The following EBF2 variants were observed in gnomAD, a reference collection of about 807,000 sequenced individuals.
EBF2 encodes transcription factor COE2.
In EBF2, 21 loss-of-function variants were observed where a neutral mutation model predicts 72.8. The observed-to-expected ratio is 0.29, with a 90% confidence interval of 0.20 to 0.42. The LOEUF (loss-of-function observed/expected upper bound fraction) is 0.42, where lower values mean the gene tolerates loss of function less well. EBF2 is among the 10% of genes least tolerant of loss of function. The pLI is 1.00. For missense variants in EBF2, 637 were observed against 731.2 expected (o/e 0.87, Z 1.49); for synonymous variants, 299 against 274.2 (o/e 1.09, Z -0.89).
intron 5 of EBF2, among the ~76,000 whole-genome samples, chr8:26,035,071 T>C (rs1251715447): frequency 6.6e-6 from 1 of 151,844 alleles, no homozygotes; most frequent in African/African-American, 2.4e-5. Context: ...TTGAAAGTGG[T>C]GATAACATAA....
chr8:25,858,143 G>T, intron 14 of EBF2, 176 bp downstream of exon 14: 3 of 827,462 alleles, frequency 3.6e-6, no homozygotes, highest in Non-Finnish European at 6.1e-6. Context: ...AACCACGTGA[G>T]CCAAAGTCCA....
chr8:25,848,913 G>A (rs1249953667), intron 15 of EBF2, among the ~76,000 whole-genome samples: 1 of 152,170 alleles, frequency 6.6e-6, no homozygotes, highest in African/African-American at 2.4e-5. Context: ...AAGAGGTCAT[G>A]GGGAAGAGGA....
chr8:26,040,898 G>T, intron 3 of EBF2, 41 bp downstream of exon 3: 1 of 1,613,070 alleles, frequency 6.2e-7, no homozygotes, highest in African/African-American at 1.3e-5. Context: ...CCGGAAGCCG[G>T]CTGCTAGGCG....
At position 25,843,057 on chromosome 8, in the gene EBF2, T is replaced by A. The variant is rs1801766132; in HGVS notation, c.*1552A>T. 6.6e-6 allele frequency: 1 copy of A among 152,142 alleles called. No homozygotes were observed. The highest frequency in any genetic ancestry group is 1.5e-5 in the Non-Finnish European group (1 of 68,020). The allele number at this position is 152,142 out of a possible 1,614,324, so 9.4% of individuals were successfully genotyped here. A position where few individuals can be genotyped will look rare whatever the true frequency, so the allele number is the denominator to read the frequency against. On this transcript the variant is annotated 3_prime_UTR_variant, in exon 16 of 16. Transcript: ENST00000520164. ...CTAGGATTACATAAGCTTTCAAGAATCAACCACTGTTAGCAGCTAAGGCAA... is the reference window on the plus strand; with the variant it reads ...CTAGGATTACATAAGCTTTCAAGAAACAACCACTGTTAGCAGCTAAGGCAA...
intron 5 of EBF2, among the ~76,000 whole-genome samples, chr8:26,036,215 G>A (rs561807000): frequency 2.8e-4 from 42 of 152,280 alleles, no homozygotes; most frequent in Non-Finnish European, 5.6e-4. Context: ...GCTGCCTTCC[G>A]TGGGGATTTC....
rs1011620255 is a variant in EBF2, at chr8:25,965,513, T to A, written c.552-56958A>T. The stretch of plus-strand genomic sequence containing the variant: ...TTTCTCAGTTGCCAAAAATAATATA[T>A]GAAGTGAAAAGTGAATGTAGCAAAC... On this transcript the variant is annotated intron_variant, in intron 6 of 15. Transcript: ENST00000520164. 5.9e-5 allele frequency among the ~76,000 whole-genome samples: 9 copies of A among 152,242 alleles called. No homozygotes were observed. The East Asian group carries it at 1.7e-3, about 29-fold the overall frequency.
intron 13 of EBF2, among the ~76,000 whole-genome samples, chr8:25,859,236 GAATA>G (rs758549564): frequency 3.3e-5 from 5 of 152,194 alleles, no homozygotes; most frequent in Non-Finnish European, 7.3e-5. Flanking sequence ...AAGGCCTAGA[GAATA>G]AATAAACTGG....
intron 14 of EBF2, 114 bp from the exon 15 acceptor site, chr8:25,850,875 G>T: frequency 1.6e-6 from 2 of 1,257,494 alleles, no homozygotes; most frequent in Non-Finnish European, 1.1e-6. Context: ...CCAGATTGCA[G>T]GGATTAAAAA....
chr8:25,873,588 G>A (rs1438619565), intron 10 of EBF2, among the ~76,000 whole-genome samples: 2 of 152,198 alleles, frequency 1.3e-5, no homozygotes, highest in South Asian at 4.1e-4. Context: ...ACAAGAATAC[G>A]AGGAGAGAAC....
intron 14 of EBF2, among the ~76,000 whole-genome samples, chr8:25,852,730 A>T (rs924086786): frequency 6.6e-6 from 1 of 152,210 alleles, no homozygotes; most frequent in African/African-American, 2.4e-5. Context: ...ACAATTTTGT[A>T]AAAATGCCAA....
At position 26,035,515 on chromosome 8, in the gene EBF2, C is replaced by T. The variant is rs113894027; in HGVS notation, c.483-2362G>A. Among the ~76,000 whole-genome samples the T allele has an allele frequency of 3.0e-3, 463 of 152,270 alleles. 3 individuals are homozygous for T. The highest frequency in any genetic ancestry group is 0.01 in the African/African-American group (417 of 41,548). On this transcript the variant is annotated intron_variant, in intron 5 of 15. Transcript: ENST00000520164. Reference sequence around the variant, plus strand: ...CTCTGGTTCTCCACAGAATTAAACACAAACAAATAAATATCTTAAAACTTT... The same window carrying T: ...CTCTGGTTCTCCACAGAATTAAACATAAACAAATAAATATCTTAAAACTTT...
Position 26,037,332 on chromosome 8 carries a change from C to T in EBF2, c.482+2696G>A, listed in dbSNP as rs555462315. The stretch of plus-strand genomic sequence containing the variant: ...GTCCCGTCAGCCAAACTCCAGCTCA[C>T]GACAAGCGAGTGTGTCCCTTTCCCC... On this transcript the variant is annotated intron_variant, in intron 5 of 15. Coordinates refer to ENST00000520164, the MANE Select transcript of EBF2 (RefSeq NM_022659.4). 1.3e-4 allele frequency among the ~76,000 whole-genome samples: 20 copies of T among 152,264 alleles called. 1 individual carries two copies. Among genetic ancestry groups the T allele is most frequent in the Non-Finnish European group, 2.4e-4 (16 of 68,020 alleles).
intron 6 of EBF2, among the ~76,000 whole-genome samples, chr8:25,966,160 G>A (rs957742759): frequency 6.6e-6 from 1 of 152,224 alleles, no homozygotes; most frequent in African/African-American, 2.4e-5. Flanking sequence ...CAAGGCCTGA[G>A]GCTTTAGAGA....
chr8:25,848,078 A>G lies in EBF2; in HGVS notation c.1696+2516T>C, dbSNP rs541502329. ...TATCTTTTAGAGATGAGGTCTTGCT[A>G]TGTTGCACAGGCTAGGCTCAAGTGA... is the stretch of plus-strand genomic sequence containing the variant. On this transcript the variant is annotated intron_variant, in intron 15 of 15. Coordinates refer to ENST00000520164, the MANE Select transcript of EBF2 (RefSeq NM_022659.4). Among the ~76,000 whole-genome samples, 84 of 152,260 alleles carry G rather than the reference A, an allele frequency of 5.5e-4. 1 individual carries two copies. Among genetic ancestry groups the G allele is most frequent in the Non-Finnish European group, 9.7e-4 (66 of 68,010 alleles).
intron 10 of EBF2, among the ~76,000 whole-genome samples, chr8:25,870,351 T>A (rs1802414594): frequency 6.6e-6 from 1 of 151,972 alleles, no homozygotes; most frequent in Admixed American, 6.6e-5. Flanking sequence ...ACGTGCTAAA[T>A]ACAAACTAAA....
At chr8:25,876,679 G>C (rs1467237262) in intron 10 of EBF2, among the ~76,000 whole-genome samples, 1 of 152,182 alleles carries the variant, frequency 6.6e-6, no homozygotes, top group South Asian at 2.1e-4. Flanking sequence ...ATCGTGTTTT[G>C]TAATAAACTG....
intron 13 of EBF2, among the ~76,000 whole-genome samples, chr8:25,859,290 C>T (rs955747382): frequency 1.3e-5 from 2 of 152,224 alleles, no homozygotes; most frequent in Non-Finnish European, 2.9e-5. Context: ...ATTTAACATG[C>T]CATAGCATCT....
intron 6 of EBF2, among the ~76,000 whole-genome samples, chr8:25,961,390 G>C (rs948896013): frequency 6.6e-6 from 1 of 152,114 alleles, no homozygotes; most frequent in Non-Finnish European, 1.5e-5. Context: ...TTGAGACGGA[G>C]TCTCACTCTG....
chr8:25,889,431 T>C (rs762943707), intron 8 of EBF2, among the ~76,000 whole-genome samples: 16 of 152,156 alleles, frequency 1.1e-4, no homozygotes, highest in Admixed American at 2.6e-4. Flanking sequence ...TATTCATACA[T>C]GTCTGGCACT....
Sources: allele counts gnomAD v4.1 joint callset (sites outside exome capture counted in the v4.1 genomes callset), GRCh38; gene constraint gnomAD v4.1.1; transcripts MANE v1.5; gene names NCBI Gene and HGNC (gene_info 2026-07-23, HGNC 2026-07-21).